The following DAB1 variants were observed in gnomAD, a reference collection of about 807,000 sequenced individuals.
The protein encoded by DAB1 is DAB adaptor protein 1, also known as disabled homolog 1.
In DAB1, 15 loss-of-function variants were observed where a neutral mutation model predicts 64.6. The observed-to-expected ratio is 0.23, with a 90% confidence interval of 0.16 to 0.36. DAB1 has a LOEUF of 0.36. Among genes scored for constraint, DAB1 ranks in the 10% least tolerant of loss-of-function variants. The probability of loss-of-function intolerance (pLI) is 1.00; values close to 1 mark genes in which losing one functional copy is unlikely to be tolerated. For missense variants in DAB1, 596 were observed against 706.7 expected (o/e 0.84, Z 1.78); for synonymous variants, 235 against 251.9 (o/e 0.93, Z 0.64).
At chr1:57,780,105 C>T (rs544540632) in intron 6 of DAB1, among the ~76,000 whole-genome samples, 3 of 152,170 alleles carry the variant, frequency 2.0e-5, no homozygotes, top group South Asian at 2.1e-4. Flanking sequence ...AAACTGAGTA[C>T]CCTATTATAA....
intron 3 of DAB1, among the ~76,000 whole-genome samples, chr1:58,489,254 A>G (rs1371625644): frequency 2.6e-5 from 4 of 152,054 alleles, no homozygotes; most frequent in Admixed American, 1.3e-4. Flanking sequence ...TAATACTGCA[A>G]TTTTCCGACG....
At chr1:57,962,179 T>G (rs893957785) in intron 5 of DAB1, among the ~76,000 whole-genome samples, 4 of 152,160 alleles carry the variant, frequency 2.6e-5, no homozygotes, top group African/African-American at 9.7e-5. Context: ...GGTCTCGACT[T>G]GCTCATCTTT....
chr1:58,462,368 C>T (rs6673660), intron 3 of DAB1, among the ~76,000 whole-genome samples: 43,213 of 151,796 alleles, frequency 0.28, 6,611 homozygotes, highest in African/African-American at 0.37. Context: ...CCTCATGATC[C>T]ACCCGCCTCG....
At chr1:58,505,015 C>T (rs531635284) in intron 3 of DAB1, among the ~76,000 whole-genome samples, 5 of 151,990 alleles carry the variant, frequency 3.3e-5, no homozygotes, top group South Asian at 2.1e-4. Context: ...TGCAGTGGCA[C>T]GATCTCGGCT....
chr1:58,366,545 C>T (rs1644219522), intron 3 of DAB1, among the ~76,000 whole-genome samples: 1 of 152,208 alleles, frequency 6.6e-6, no homozygotes, highest in African/African-American at 2.4e-5. Flanking sequence ...AGGAAGAATA[C>T]ATGGTCCCAG....
chr1:57,219,264 AAC>A (rs60049165), intron 2 of DAB1, among the ~76,000 whole-genome samples: 6,144 of 149,534 alleles, frequency 0.041, 211 homozygotes, highest in African/African-American at 0.081. Flanking sequence ...GAGGCATTTC[AAC>A]ACACACACAC....
At chr1:58,187,875 G>GT (rs763996304) in intron 4 of DAB1, among the ~76,000 whole-genome samples, 1,991 of 111,166 alleles carry the variant, frequency 0.018, 47 homozygotes, top group African/African-American at 0.057. Context: ...CACCTGGCCT[G>GT]TTTTTTTTTT....
intron 2 of DAB1, among the ~76,000 whole-genome samples, chr1:57,260,601 A>G (rs1464815286): frequency 1.3e-5 from 2 of 152,164 alleles, no homozygotes; most frequent in African/African-American, 4.8e-5. Flanking sequence ...ACAGATCCTG[A>G]GGCTGCATGG....
At chr1:58,529,845 T>C (rs1646406449) in intron 1 of DAB1, among the ~76,000 whole-genome samples, 2 of 152,180 alleles carry the variant, frequency 1.3e-5, no homozygotes, top group African/African-American at 4.8e-5. Context: ...TATGAGAGGA[T>C]GTGCATAGTT....
intron 4 of DAB1, among the ~76,000 whole-genome samples, chr1:58,326,459 G>A (rs1662827170): frequency 6.6e-6 from 1 of 152,224 alleles, no homozygotes; most frequent in Non-Finnish European, 1.5e-5. Context: ...AGGACTTGAG[G>A]AGGAGAAAGA....
intron 2 of DAB1, among the ~76,000 whole-genome samples, chr1:57,186,942 T>C (rs1022686793): frequency 2.6e-5 from 4 of 152,184 alleles, no homozygotes; most frequent in Admixed American, 6.5e-5. Context: ...TTCATTTCTA[T>C]TTTGTCAATT....
At chr1:57,281,268 C>T (rs919042206) in intron 2 of DAB1, among the ~76,000 whole-genome samples, 4 of 152,166 alleles carry the variant, frequency 2.6e-5, no homozygotes, top group African/African-American at 4.8e-5. Flanking sequence ...TGAGAGCACA[C>T]AGCATGGTCA....
At chr1:57,863,737 G>A (rs1444209679) in intron 1 of DAB1, among the ~76,000 whole-genome samples, 2 of 152,154 alleles carry the variant, frequency 1.3e-5, no homozygotes, top group African/African-American at 2.4e-5. Context: ...AGCATTTAAA[G>A]AGGAGAAAAA....
At chr1:57,990,947 C>T (rs945314618) in intron 5 of DAB1, among the ~76,000 whole-genome samples, 4 of 152,138 alleles carry the variant, frequency 2.6e-5, no homozygotes, top group Admixed American at 2.6e-4. Flanking sequence ...TCTTCCAGGC[C>T]ACAACTGCTA....
chr1:58,052,226 A>G (rs12566619), intron 5 of DAB1, among the ~76,000 whole-genome samples: 39,779 of 151,998 alleles, frequency 0.26, 5,484 homozygotes, highest in African/African-American at 0.33. Flanking sequence ...TTTGTATAAG[A>G]GGTAAGGAAG....
At chr1:57,269,885 G>A (rs939498196) in intron 2 of DAB1, among the ~76,000 whole-genome samples, 2 of 152,150 alleles carry the variant, frequency 1.3e-5, no homozygotes, top group Non-Finnish European at 2.9e-5. Flanking sequence ...CTGTGACTGA[G>A]ACAAGATCAA....
chr1:57,088,490 C>G (rs376862252), intron 4 of DAB1, among the ~76,000 whole-genome samples: 1 of 152,188 alleles, frequency 6.6e-6, no homozygotes, highest in Non-Finnish European at 1.5e-5. Flanking sequence ...TTGTTTCAGC[C>G]AACACCTGAA....
chr1:57,733,072 T>C, intron 6 of DAB1, among the ~76,000 whole-genome samples: 1 of 152,108 alleles, frequency 6.6e-6, no homozygotes, highest in East Asian at 1.9e-4. Flanking sequence ...AAGAGCTATA[T>C]ACCAAGGACT....
chr1:57,209,842 C>G (rs1428526655), intron 2 of DAB1, among the ~76,000 whole-genome samples: 1 of 152,210 alleles, frequency 6.6e-6, no homozygotes, highest in Non-Finnish European at 1.5e-5. Flanking sequence ...CCCTCACACA[C>G]ACACCAGTCC....
Sources: allele counts gnomAD v4.1 joint callset (sites outside exome capture counted in the v4.1 genomes callset), GRCh38; gene constraint gnomAD v4.1.1; transcripts MANE v1.5; gene names NCBI Gene and HGNC (gene_info 2026-07-23, HGNC 2026-07-21).